The following C16orf87 variants were observed in gnomAD, a reference collection of about 807,000 sequenced individuals.
The protein encoded by C16orf87 is HDAC and MIER1 interacting protein 1, also known as UPF0547 protein C16orf87.
A neutral mutation model predicts 21.0 loss-of-function variants in C16orf87; 13 were observed. The observed-to-expected ratio is 0.62, with a 90% CI of 0.40 to 0.98. The LOEUF is 0.98. C16orf87 is among the 50% of genes least tolerant of loss of function. C16orf87 has a pLI of 0.00. For synonymous variants in C16orf87, 49 were observed against 60.2 expected (o/e 0.81, Z 0.86); for missense variants, 113 against 180.4 (o/e 0.63, Z 2.14).
At chr16:46,813,711 G>A (rs535349024) in intron 2 of C16orf87, among the ~76,000 whole-genome samples, 25 of 152,156 alleles carry the variant, frequency 1.6e-4, no homozygotes, top group African/African-American at 5.3e-4. Context: ...CTATGTATAC[G>A]CTAATCCTTC....
intron 2 of C16orf87, among the ~76,000 whole-genome samples, chr16:46,820,861 A>C (rs1372683296): frequency 6.6e-6 from 1 of 152,252 alleles, no homozygotes; most frequent in African/African-American, 2.4e-5. Flanking sequence ...GAAAGTACTT[A>C]GAAATTCTTT....
Position 46,824,374 on chromosome 16 carries a change from A to T in C16orf87, c.163+12T>A. ...CATCAAAAAGCTAAAAATGTATTAAACTCACAGTTACCTGTAGAAGGTGGT... is the reference window on the plus strand; with the variant it reads ...CATCAAAAAGCTAAAAATGTATTAATCTCACAGTTACCTGTAGAAGGTGGT... On this transcript the variant is annotated intron_variant, in intron 2 of 3. Transcript: ENST00000285697. The T allele has an allele frequency of 8.4e-7, 1 of 1,191,704 alleles. No individual in the cohort carries two copies. Among genetic ancestry groups the T allele is most frequent in the Non-Finnish European group, 1.2e-6 (1 of 819,188 alleles). The allele number at this position is 1,191,704 out of a possible 1,614,324, so 73.8% of individuals were successfully genotyped here.
At chr16:46,812,609 T>A (rs1270156534) in intron 2 of C16orf87, among the ~76,000 whole-genome samples, 1 of 152,204 alleles carries the variant, frequency 6.6e-6, no homozygotes, top group Non-Finnish European at 1.5e-5. Flanking sequence ...AAAGAACTAG[T>A]GATAGATGAA....
rs1010546447 is a variant in C16orf87, at chr16:46,802,851, C to T, written c.*101G>A. 1.9e-5 allele frequency: 13 copies of T among 685,856 alleles called. No individual in the cohort carries two copies. Among genetic ancestry groups the T allele is most frequent in the South Asian group, 5.3e-5 (3 of 56,570 alleles). The allele number at this position is 685,856 out of a possible 1,614,324, so 42.5% of individuals were successfully genotyped here. ...CAGGCGAGAAAGAAACAATCGATGG[C>T]CCTTATTGATGCAGTCAGAATGCTC... On this transcript the variant is annotated 3_prime_UTR_variant, in exon 4 of 4. Coordinates refer to ENST00000285697, the MANE Select transcript of C16orf87 (RefSeq NM_001001436.4).
At chr16:46,820,151 A>G (rs927170713) in intron 2 of C16orf87, among the ~76,000 whole-genome samples, 4 of 152,242 alleles carry the variant, frequency 2.6e-5, no homozygotes, top group African/African-American at 9.6e-5. Context: ...TAAACAATTC[A>G]TATCTAGCTA....
Position 46,802,686 on chromosome 16 carries a change from G to GTT in C16orf87, c.*264_*265dup. 4 of 257,838 alleles carry GTT rather than the reference G, an allele frequency of 1.6e-5. No individual in the cohort carries two copies. Among genetic ancestry groups the GTT allele is most frequent in the Non-Finnish European group, 2.2e-5 (3 of 138,214 alleles). The allele number at this position is 257,838 out of a possible 1,614,324, so 16.0% of individuals were successfully genotyped here. A position where few individuals can be genotyped will look rare whatever the true frequency, so the allele number is the denominator to read the frequency against. ...TAACATCCATCCAGCATTTTTGTTG[G>GTT]TTTTTTTTTGTTGTTGGCAAATACA... On this transcript the variant is annotated 3_prime_UTR_variant, in exon 4 of 4. Coordinates refer to ENST00000285697, the MANE Select transcript of C16orf87 (RefSeq NM_001001436.4).
intron 3 of C16orf87, chr16:46,807,904 T>G (rs1967974432): frequency 5.0e-6 from 2 of 398,018 alleles, no homozygotes; most frequent in South Asian, 3.8e-5. Context: ...CTACCACAAG[T>G]ATATAGACTT....
Position 46,799,741 on chromosome 16 carries a change from G to C in C16orf87, c.*3211C>G, listed in dbSNP as rs186690348. 1 of 152,176 alleles carries C rather than the reference G, an allele frequency of 6.6e-6. No individual in the cohort carries two copies. Among genetic ancestry groups the C allele is most frequent in the East Asian group, 1.9e-4 (1 of 5,186 alleles). 9.4% of individuals were successfully genotyped at this position (152,176 alleles called of 1,614,324 possible). On this transcript the variant is annotated 3_prime_UTR_variant, in exon 4 of 4. Coordinates refer to ENST00000285697, the MANE Select transcript of C16orf87 (RefSeq NM_001001436.4). ...CAAGATCATCACTCACTGCAGCCTC[G>C]AACTCCTGGGCTCAAGTGATCCTTT...
intron 2 of C16orf87, among the ~76,000 whole-genome samples, chr16:46,813,016 C>T (rs979408864): frequency 2.6e-5 from 4 of 152,122 alleles, no homozygotes; most frequent in African/African-American, 9.7e-5. Context: ...AGGTGCTTTC[C>T]CAATCTAACG....
chr16:46,810,472 A>G (rs980104146), intron 2 of C16orf87, among the ~76,000 whole-genome samples: 1 of 151,894 alleles, frequency 6.6e-6, no homozygotes, highest in African/African-American at 2.4e-5. Context: ...AAACTTAAAG[A>G]AAAAAACAAA....
rs903527394 is a variant in C16orf87 at position 46,798,743 on chromosome 16, CA to C, written c.*4208del. On this transcript the variant is annotated 3_prime_UTR_variant, in exon 4 of 4. Transcript: ENST00000285697. The stretch of plus-strand genomic sequence containing the variant: ...TGGGTGACAGAGTGAGACTCCGTGT[CA>C]AAAAAAAAAGAAAAGAAAAGCTATC... 16 of 138,670 alleles carry C rather than the reference CA, an allele frequency of 1.2e-4. No individual in the cohort carries two copies. Among genetic ancestry groups the C allele is most frequent in the Non-Finnish European group, 1.7e-4 (11 of 63,826 alleles). 8.6% of individuals were successfully genotyped at this position (138,670 alleles called of 1,614,324 possible).
chr16:46,825,062 T>C (rs549761479), intron 1 of C16orf87, among the ~76,000 whole-genome samples: 38 of 152,182 alleles, frequency 2.5e-4, no homozygotes, highest in African/African-American at 7.2e-4. Context: ...CTGATGTGAG[T>C]GACCAATAGA....
rs945179687 is a variant in C16orf87, at chr16:46,831,016, C to A, written c.66+68G>T. On this transcript the variant is annotated intron_variant, in intron 1 of 3. Coordinates refer to ENST00000285697, the MANE Select transcript of C16orf87 (RefSeq NM_001001436.4). Reference sequence around the variant, plus strand: ...CTCGGCCTCCGGGAGCCCGGCGAGGCCCCCCTCCACAGACAACGGCCGCCA... The same window carrying A: ...CTCGGCCTCCGGGAGCCCGGCGAGGACCCCCTCCACAGACAACGGCCGCCA... 7 of 1,303,872 alleles carry A rather than the reference C, an allele frequency of 5.4e-6. No individual in the cohort carries two copies. In the African/African-American group the frequency reaches 7.6e-5, roughly 14 times the overall value. 80.8% of individuals were successfully genotyped at this position (1,303,872 alleles called of 1,614,324 possible).
At position 46,796,718 on chromosome 16, in the gene C16orf87, T is replaced by G. The variant is rs1204884817; in HGVS notation, c.*6234A>C. The G allele has an allele frequency of 6.6e-6, 1 of 152,156 alleles. No individual in the cohort carries two copies. Among genetic ancestry groups the G allele is most frequent in the Non-Finnish European group, 1.5e-5 (1 of 68,008 alleles). The allele number at this position is 152,156 out of a possible 1,614,324, so 9.4% of individuals were successfully genotyped here. The stretch of plus-strand genomic sequence containing the variant: ...ACTGAAATGATTTATTAAAATAAAA[T>G]AAATGAACAGAGGTTCTGAGATCTG... On this transcript the variant is annotated 3_prime_UTR_variant, in exon 4 of 4. Coordinates refer to ENST00000285697, the MANE Select transcript of C16orf87 (RefSeq NM_001001436.4).
intron 2 of C16orf87, among the ~76,000 whole-genome samples, chr16:46,823,410 A>AT (rs1012831270): frequency 6.6e-6 from 1 of 152,238 alleles, no homozygotes; most frequent in African/African-American, 2.4e-5. Context: ...GGTCACCACC[A>AT]TATGAAGGTC....
chr16:46,827,008 G>A (rs1199986575), intron 1 of C16orf87, among the ~76,000 whole-genome samples: 2 of 152,170 alleles, frequency 1.3e-5, no homozygotes, highest in Non-Finnish European at 2.9e-5. Context: ...CAGTGTTGCA[G>A]TTAGATGAGA....
chr16:46,818,885 A>G (rs994106749), intron 2 of C16orf87, among the ~76,000 whole-genome samples: 19 of 152,214 alleles, frequency 1.2e-4, no homozygotes. Flanking sequence ...AACTAAGGCA[A>G]TCTCACACTT....
At chr16:46,816,762 G>A (rs1022947582) in intron 2 of C16orf87, among the ~76,000 whole-genome samples, 1 of 152,186 alleles carries the variant, frequency 6.6e-6, no homozygotes, top group African/African-American at 2.4e-5. Flanking sequence ...TGCAGGTGAG[G>A]TGGCATCTAG....
Position 46,797,623 on chromosome 16 carries a change from A to C in C16orf87, c.*5329T>G, listed in dbSNP as rs1006314233. 1 of 152,264 alleles carries C rather than the reference A, an allele frequency of 6.6e-6. No individual in the cohort carries two copies. The highest frequency in any genetic ancestry group is 1.5e-5 in the Non-Finnish European group (1 of 68,064). 9.4% of individuals were successfully genotyped at this position (152,264 alleles called of 1,614,324 possible). A position where few individuals can be genotyped will look rare whatever the true frequency, so the allele number is the denominator to read the frequency against. On this transcript the variant is annotated 3_prime_UTR_variant, in exon 4 of 4. Coordinates refer to ENST00000285697, the MANE Select transcript of C16orf87 (RefSeq NM_001001436.4). ...CTCGGCCTCCCAGTCCTGGGATTAC[A>C]GGTGAGCCACTGTGCCCAGCCAAGT...
Sources: allele counts gnomAD v4.1 joint callset (sites outside exome capture counted in the v4.1 genomes callset), GRCh38; gene constraint gnomAD v4.1.1; transcripts MANE v1.5; gene names NCBI Gene and HGNC (gene_info 2026-07-23, HGNC 2026-07-21).